Variants in MEGF11 observed in about 807,000 individuals in gnomAD.
MEGF11 encodes multiple epidermal growth factor-like domains protein 11.
Under a neutral mutation model 146.6 loss-of-function variants are expected in MEGF11, and 126 were observed. The ratio of observed to expected loss-of-function variants is 0.86; its 90% CI spans 0.74 to 1.00. The LOEUF is 1.00. Ranked by LOEUF, MEGF11 falls within the 50% of genes least tolerant of loss-of-function variation. MEGF11 has a pLI of 0.00. For missense variants in MEGF11, 1,509 were observed against 1,521.2 expected (o/e 0.99, Z 0.13); for synonymous variants, 532 against 583.4 (o/e 0.91, Z 1.27).
At position 66,075,778 on chromosome 15, in the gene MEGF11, A is replaced by G. The variant is rs75095014; in HGVS notation, c.394+18624T>C. Among the ~76,000 whole-genome samples, 870 of 152,336 alleles carry G rather than the reference A, an allele frequency of 5.7e-3. 9 individuals are homozygous for G. The highest frequency in any genetic ancestry group is 0.02 in the African/African-American group (813 of 41,584). ...GAGAATGAGCTAAGCCACCTTGGGA[A>G]GGAGCCCATTACCTAGCTCAAGACT... On this transcript the variant is annotated intron_variant, in intron 5 of 25. Coordinates refer to ENST00000395614, the MANE Select transcript of MEGF11 (RefSeq NM_001385028.1).
intron 4 of MEGF11, among the ~76,000 whole-genome samples, chr15:66,095,021 C>T (rs1344121617): frequency 4.6e-5 from 7 of 152,118 alleles, no homozygotes; most frequent in Non-Finnish European, 1.0e-4. Flanking sequence ...AGCAAATCTG[C>T]AAAGTACACA....
chr15:66,065,584 A>T (rs2085088967), intron 5 of MEGF11, among the ~76,000 whole-genome samples: 1 of 152,188 alleles, frequency 6.6e-6, no homozygotes, highest in Admixed American at 6.5e-5. Context: ...GTCCTTGGGC[A>T]GGTGGGGGTG....
At chr15:66,031,450 C>T (rs1415709799) in intron 5 of MEGF11, among the ~76,000 whole-genome samples, 1 of 152,192 alleles carries the variant, frequency 6.6e-6, no homozygotes, top group Non-Finnish European at 1.5e-5. Context: ...CACTCTCTCC[C>T]ATGGAGGCCG....
Position 66,014,942 on chromosome 15 carries a change from C to T in MEGF11, c.395-32454G>A, listed in dbSNP as rs139910403. On this transcript the variant is annotated intron_variant, in intron 5 of 25. Coordinates refer to ENST00000395614, the MANE Select transcript of MEGF11 (RefSeq NM_001385028.1). ...TAACCTAGTCAGGGATGTGCTTGTACGCGCTCAACAACCAGCTCTAGAGGA... is the reference window on the plus strand; with the variant it reads ...TAACCTAGTCAGGGATGTGCTTGTATGCGCTCAACAACCAGCTCTAGAGGA... 2.9e-3 allele frequency among the ~76,000 whole-genome samples: 432 copies of T among 147,220 alleles called. 3 individuals carry two copies. Among genetic ancestry groups the T allele is most frequent in the Non-Finnish European group, 4.9e-3 (326 of 67,148 alleles).
intron 9 of MEGF11, among the ~76,000 whole-genome samples, chr15:65,960,754 TC>T (rs1316112691): frequency 5.4e-4 from 83 of 152,312 alleles, no homozygotes; most frequent in African/African-American, 2.0e-3. Flanking sequence ...CATTACACGC[TC>T]TTATTTTGGT....
At chr15:66,140,419 C>T (rs1185491572) in intron 1 of MEGF11, among the ~76,000 whole-genome samples, 1 of 142,944 alleles carries the variant, frequency 7.0e-6, no homozygotes, top group African/African-American at 2.5e-5. Context: ...GGGCAGGTTT[C>T]CCGCCTGACT....
chr15:66,179,254 T>C (rs951650783), intron 1 of MEGF11, among the ~76,000 whole-genome samples: 2 of 152,176 alleles, frequency 1.3e-5, no homozygotes, highest in African/African-American at 4.8e-5. Flanking sequence ...CTTCTCAGCC[T>C]CCTGAGCAGC....
chr15:66,072,564 T>C (rs1192019927), intron 5 of MEGF11, among the ~76,000 whole-genome samples: 3 of 152,210 alleles, frequency 2.0e-5, no homozygotes, highest in African/African-American at 7.2e-5. Context: ...AGGTACGCAG[T>C]AGGCCTCTGA....
intron 4 of MEGF11, 28 bp from the exon 5 acceptor site, chr15:66,094,522 G>C: frequency 2.6e-6 from 4 of 1,538,630 alleles, no homozygotes; most frequent in Non-Finnish European, 3.5e-6. Flanking sequence ...GAGGGAGGAA[G>C]AACCAGAACA....
At chr15:66,170,710 C>A (rs1348018472) in intron 1 of MEGF11, among the ~76,000 whole-genome samples, 1 of 152,166 alleles carries the variant, frequency 6.6e-6, no homozygotes, top group Non-Finnish European at 1.5e-5. Flanking sequence ...TTGAAGTGGA[C>A]ACTGTGATGC....
chr15:66,029,590 G>A (rs1419730341), intron 5 of MEGF11, among the ~76,000 whole-genome samples: 3 of 152,244 alleles, frequency 2.0e-5, no homozygotes, highest in Admixed American at 6.5e-5. Flanking sequence ...CTGATGAACG[G>A]TGGTGTGATG....
At position 65,969,172 on chromosome 15, in the gene MEGF11, A is replaced by C. The variant is rs2081218138; in HGVS notation, c.899+1381T>G. On this transcript the variant is annotated intron_variant, in intron 8 of 25. Coordinates refer to ENST00000395614, the MANE Select transcript of MEGF11 (RefSeq NM_001385028.1). ...GCACATCTCGACAGGGAAAATCGAC[A>C]GCACCAATGAGCTAGGGTCTACTGG... Among the ~76,000 whole-genome samples the C allele has an allele frequency of 3.9e-5, 6 of 152,204 alleles. No individual in the cohort carries two copies. In the South Asian group the frequency reaches 1.2e-3, roughly 32 times the overall value.
intron 5 of MEGF11, among the ~76,000 whole-genome samples, chr15:65,990,929 C>T (rs1419330954): frequency 6.6e-6 from 1 of 152,194 alleles, no homozygotes; most frequent in Non-Finnish European, 1.5e-5. Context: ...TGAGCTATCA[C>T]TCAGTTTCCT....
intron 4 of MEGF11, among the ~76,000 whole-genome samples, chr15:66,113,233 G>A (rs1185105276): frequency 6.6e-6 from 1 of 152,144 alleles, no homozygotes; most frequent in African/African-American, 2.4e-5. Flanking sequence ...GGTTGGCACA[G>A]TCCCTTTCCC....
intron 5 of MEGF11, among the ~76,000 whole-genome samples, chr15:66,034,534 C>G (rs200727425): frequency 2.0e-5 from 3 of 152,152 alleles, no homozygotes; most frequent in East Asian, 1.9e-4. Context: ...ATCCTCCCCG[C>G]TCAGCCTCCT....
At chr15:66,149,742 C>T (rs1051627990) in intron 1 of MEGF11, among the ~76,000 whole-genome samples, 1 of 152,170 alleles carries the variant, frequency 6.6e-6, no homozygotes, top group Non-Finnish European at 1.5e-5. Context: ...TAAATACAGC[C>T]GATTAAGAAA....
In MEGF11 at chr15:65,897,920, G is replaced by A; in HGVS notation, c.*14C>T. On this transcript the variant is annotated 3_prime_UTR_variant, in exon 26 of 26. Transcript: ENST00000395614. ...ATTCAGTAGAGCACACTGCAAGAGA[G>A]AAGCTTATCCCTCTTAAGATTGCTT... The A allele has an allele frequency of 6.2e-7, 1 of 1,611,888 alleles. No homozygotes were observed. The highest frequency in any genetic ancestry group is 1.1e-5 in the South Asian group (1 of 90,860).
intron 1 of MEGF11, among the ~76,000 whole-genome samples, chr15:66,204,858 A>C (rs1597150902): frequency 6.6e-6 from 1 of 151,950 alleles, no homozygotes; most frequent in Admixed American, 6.6e-5. Flanking sequence ...CACAACTAAA[A>C]CCCCTGGACA....
chr15:66,234,920 C>T (rs1021791650), intron 1 of MEGF11, among the ~76,000 whole-genome samples: 6 of 152,194 alleles, frequency 3.9e-5, no homozygotes, highest in African/African-American at 1.4e-4. Context: ...GAACCAGGTC[C>T]TCTCTGCCCT....
Sources: gnomAD v4.1 joint callset for allele counts (sites outside exome capture counted in the v4.1 genomes callset) on GRCh38, gnomAD v4.1.1 for gene constraint, MANE v1.5 for transcripts, NCBI Gene and HGNC (gene_info 2026-07-23, HGNC 2026-07-21) for gene names.